CDH13: variants seen among roughly 807,000 people sequenced by gnomAD.
CDH13 encodes cadherin-13.
In CDH13, 24 loss-of-function variants were observed where a neutral mutation model predicts 63.8. The observed-to-expected ratio is 0.38, with a 90% confidence interval of 0.27 to 0.53. The LOEUF (loss-of-function observed/expected upper bound fraction) is 0.53. CDH13 is among the 20% of genes least tolerant of loss of function. The pLI, the probability that CDH13 is intolerant of heterozygous loss-of-function variation, is 0.85. For synonymous variants in CDH13, 503 were observed against 355.3 expected, an observed-to-expected ratio of 1.42 and a Z score of -4.67; for missense variants, 1,049 against 903.1, an observed-to-expected ratio of 1.16 and a Z score of -2.07.
At chr16:83,118,175 T>A (rs4128845) in intron 3 of CDH13, among the ~76,000 whole-genome samples, 53,584 of 152,010 alleles carry the variant, frequency 0.35, 10,823 homozygotes, top group Non-Finnish European at 0.47. Flanking sequence ...ATCCCACAAG[T>A]CACACATGGT....
At chr16:82,863,180 A>G (rs1217549672) in intron 2 of CDH13, among the ~76,000 whole-genome samples, 1 of 152,200 alleles carries the variant, frequency 6.6e-6, no homozygotes, top group Non-Finnish European at 1.5e-5. Context: ...AATGGACCAC[A>G]AAGGAGCCAG....
chr16:83,135,347 C>G (rs2036235762), intron 4 of CDH13, among the ~76,000 whole-genome samples: 1 of 152,204 alleles, frequency 6.6e-6, no homozygotes, highest in African/African-American at 2.4e-5. Context: ...ATGCTTAAAG[C>G]TTCCATGGGT....
intron 1 of CDH13, among the ~76,000 whole-genome samples, chr16:82,631,361 C>G (rs920962133): frequency 6.6e-6 from 1 of 152,198 alleles, no homozygotes; most frequent in Non-Finnish European, 1.5e-5. Flanking sequence ...AACCTTCCCC[C>G]TTACATAACC....
chr16:83,485,643 C>G (rs1399189465), intron 6 of CDH13, among the ~76,000 whole-genome samples: 1 of 152,106 alleles, frequency 6.6e-6, no homozygotes, highest in Non-Finnish European at 1.5e-5. Flanking sequence ...TCATCAGACA[C>G]CTTTGTGCAA....
At chr16:83,299,518 C>T (rs558642559) in intron 5 of CDH13, among the ~76,000 whole-genome samples, 147 of 152,328 alleles carry the variant, frequency 9.7e-4, no homozygotes, top group South Asian at 1.7e-3. Context: ...CATTCATCCT[C>T]ACTAGAGATC....
At chr16:83,415,992 A>T (rs1024411860) in intron 6 of CDH13, among the ~76,000 whole-genome samples, 2 of 152,222 alleles carry the variant, frequency 1.3e-5, no homozygotes, top group African/African-American at 4.8e-5. Context: ...TCTCACATAT[A>T]GAAAATAACT....
chr16:83,547,113 A>G (rs999499955), intron 7 of CDH13, among the ~76,000 whole-genome samples: 9 of 152,188 alleles, frequency 5.9e-5, no homozygotes, highest in African/African-American at 1.9e-4. Context: ...AGAATGGTGG[A>G]GTATGATAAC....
At chr16:83,763,407 GA>G (rs143102392) in intron 11 of CDH13, among the ~76,000 whole-genome samples, 23,882 of 152,042 alleles carry the variant, frequency 0.16, 2,313 homozygotes, top group South Asian at 0.25. Context: ...TGCTTAGATT[GA>G]TTTTTTTTAA....
At chr16:83,094,315 G>C (rs930231494) in intron 3 of CDH13, among the ~76,000 whole-genome samples, 1 of 152,154 alleles carries the variant, frequency 6.6e-6, no homozygotes, top group Non-Finnish European at 1.5e-5. Flanking sequence ...GTTGACAAGA[G>C]GGAAACTTTG....
At chr16:82,904,748 T>C (rs1049604915) in intron 2 of CDH13, among the ~76,000 whole-genome samples, 2 of 152,174 alleles carry the variant, frequency 1.3e-5, no homozygotes, top group African/African-American at 2.4e-5. Context: ...GGGTGGTCAG[T>C]ATTTACCAGA....
intron 13 of CDH13, among the ~76,000 whole-genome samples, chr16:83,791,364 C>T (rs774070524): frequency 2.0e-5 from 3 of 152,052 alleles, no homozygotes; most frequent in Non-Finnish European, 4.4e-5. Flanking sequence ...GGCACGGTGG[C>T]ACACACCTGT....
At position 83,771,276 on chromosome 16, in the gene CDH13, C is replaced by T. The variant is rs375349274; in HGVS notation, c.1682-8692C>T. 3.3e-5 allele frequency among the ~76,000 whole-genome samples: 5 copies of T among 152,348 alleles called. No individual in the cohort carries two copies. In the East Asian group the frequency reaches 9.6e-4, roughly 29 times the overall value. ...AAGTGTAAGTCATGAGCCAACCAGA[C>T]CAAGAGTAACCCAGGCAGGCCAGGT... On this transcript the variant is annotated intron_variant, in intron 11 of 13. Transcript: ENST00000567109.
intron 3 of CDH13, among the ~76,000 whole-genome samples, chr16:83,102,127 C>T (rs2034509202): frequency 6.6e-6 from 1 of 152,082 alleles, no homozygotes; most frequent in South Asian, 2.1e-4. Context: ...GTCCATGAGC[C>T]AAGGAATGCA....
chr16:83,046,783 G>A (rs1235722859), intron 3 of CDH13, among the ~76,000 whole-genome samples: 1 of 152,172 alleles, frequency 6.6e-6, no homozygotes, highest in African/African-American at 2.4e-5. Context: ...GCCTGAGATT[G>A]TTGCTCTGAC....
chr16:83,649,498 AT>A (rs1167074949), intron 8 of CDH13, among the ~76,000 whole-genome samples: 1 of 152,112 alleles, frequency 6.6e-6, no homozygotes, highest in Non-Finnish European at 1.5e-5. Context: ...TTGTTTTCTA[AT>A]TGGAGAGTCA....
At chr16:82,715,143 C>G (rs976420101) in intron 1 of CDH13, among the ~76,000 whole-genome samples, 4 of 151,048 alleles carry the variant, frequency 2.6e-5, no homozygotes, top group Admixed American at 1.3e-4. Flanking sequence ...TATTAACTCA[C>G]TCAGTTCATG....
chr16:83,743,529 T>A (rs748944470), intron 10 of CDH13, among the ~76,000 whole-genome samples: 10 of 152,142 alleles, frequency 6.6e-5, no homozygotes, highest in Non-Finnish European at 1.5e-4. Flanking sequence ...AAAAAAGGAA[T>A]GACAGAGGGA....
chr16:82,832,354 T>C (rs1376334583), intron 1 of CDH13, among the ~76,000 whole-genome samples: 4 of 152,182 alleles, frequency 2.6e-5, no homozygotes, highest in African/African-American at 9.7e-5. Context: ...ATTAATGCAT[T>C]GTCTTTTTCA....
intron 4 of CDH13, among the ~76,000 whole-genome samples, chr16:83,145,023 G>T (rs772396456): frequency 1.3e-5 from 2 of 151,986 alleles, no homozygotes; most frequent in East Asian, 3.9e-4. Context: ...TGGAGACGCC[G>T]TGGCTATGTT....
Sources: allele counts gnomAD v4.1 joint callset (sites outside exome capture counted in the v4.1 genomes callset), GRCh38; gene constraint gnomAD v4.1.1; transcripts MANE v1.5; gene names NCBI Gene and HGNC (gene_info 2026-07-23, HGNC 2026-07-21).